Variants in TTN observed in about 807,000 individuals in gnomAD.
TTN encodes titin, also known as connectin.
Under a neutral mutation model 3,223.0 loss-of-function variants are expected in TTN, and 1,525 were observed. That is an observed-to-expected ratio of 0.47 (90% CI 0.45 to 0.49). TTN has a LOEUF of 0.49. Among genes scored for constraint, TTN ranks in the 20% least tolerant of loss-of-function variants. The pLI is 0.00. For synonymous variants in TTN, 14,094 were observed against 15,161.0 expected (o/e 0.93, Z 5.17); for missense variants, 40,786 against 43,424.0 (o/e 0.94, Z 5.40).
At position 178,573,254 on chromosome 2, in the gene TTN, T is replaced by C; in HGVS notation, c.72878A>G (p.Tyr24293Cys). Residue 24293 changes from tyrosine to cysteine, a missense_variant, in exon 326 of 363, where the codon TAT becomes TGT. Tyr to Cys is a radical substitution (Grantham distance 194). Coordinates refer to ENST00000589042, the MANE Select transcript of TTN (RefSeq NM_001267550.2). ...KVSGLTEGHE[Y>C]EFRIMAENAA... Reference sequence around the variant, plus strand: ...ATTTTCAGCCATAATCCTGAACTCATATTCATGTCCTTCTGTCAGTCCAGA... The same window carrying C: ...ATTTTCAGCCATAATCCTGAACTCACATTCATGTCCTTCTGTCAGTCCAGA... The C allele has an allele frequency of 2.5e-6, 4 of 1,606,350 alleles. No individual in the cohort carries two copies. The highest frequency in any genetic ancestry group is 3.4e-6 in the Non-Finnish European group (4 of 1,175,524).
At chr2:178,804,425 A>G (rs780758945) in intron 2 of TTN, 127 bp downstream of exon 2, 15 of 838,574 alleles carry the variant, frequency 1.8e-5, no homozygotes, top group Non-Finnish European at 2.8e-5. Context: ...TGACCTTTCC[A>G]TAGTGTTGGA....
chr2:178,799,901 T>A lies in TTN; in HGVS notation c.593A>T (p.Glu198Val), dbSNP rs2093973179. 3.7e-6 allele frequency: 6 copies of A among 1,613,854 alleles called. No homozygotes were observed. Among genetic ancestry groups the A allele is most frequent in the Non-Finnish European group, 5.1e-6 (6 of 1,179,928 alleles). ...TAELLVQGEE[E>V]VPAKKTKTIV... is the part of the protein sequence containing the mutation. ...TGTCTTTGTCTTTTTAGCAGGTACT[T>A]CTTCTTCACCTGTGGGAAGGGAAAG... The change falls in exon 5 of 363, where the codon GAA (glutamate) becomes GTA (valine). Residue 198 changes from glutamate to valine, a missense_variant. Glu to Val is a moderately radical substitution (Grantham distance 121, BLOSUM62 -2). Coordinates refer to ENST00000589042, the MANE Select transcript of TTN (RefSeq NM_001267550.2).
chr2:178,559,918 A>G lies in TTN; in HGVS notation c.86214T>C (p.Asp28738=). ...VNKVGASDPS[D]SSDPQIAKER... The stretch of plus-strand genomic sequence containing the variant: ...CCTTTGCTATCTGAGGGTCAGAGCT[A>G]TCACTGGGGTCACTAGCACCAACCT... The change falls in exon 326 of 363, where the codon GAT becomes GAC. Residue 28738 remains aspartate (D), a synonymous_variant. Coordinates refer to ENST00000589042, the MANE Select transcript of TTN (RefSeq NM_001267550.2). 6.2e-7 allele frequency: 1 copy of G among 1,613,738 alleles called. No homozygotes were observed. The highest frequency in any genetic ancestry group is 2.2e-5 in the East Asian group (1 of 44,838).
intron 111 of TTN, among the ~76,000 whole-genome samples, chr2:178,699,668 C>A (rs1019612411): frequency 2.7e-5 from 4 of 146,942 alleles, no homozygotes; most frequent in African/African-American, 1.0e-4. Flanking sequence ...GCCTCGGCCT[C>A]CCAAAGTGCT....
At chr2:178,673,052 T>G (rs1229534250) in intron 152 of TTN, among the ~76,000 whole-genome samples, 1 of 151,804 alleles carries the variant, frequency 6.6e-6, no homozygotes, top group African/African-American at 2.4e-5. Context: ...CTGGCCTCAC[T>G]TTCTGCTGTG....
chr2:178,679,198 C>A, intron 142 of TTN, 141 bp downstream of exon 142: 2 of 811,718 alleles, frequency 2.5e-6, no homozygotes, highest in Non-Finnish European at 4.0e-6. Context: ...GGGTAAACTG[C>A]TCCTGTGGCC....
At position 178,595,699 on chromosome 2, in the gene TTN, A is replaced by G. The variant is rs1220456349; in HGVS notation, c.57655T>C (p.Tyr19219His). 8 of 1,608,944 alleles carry G rather than the reference A, an allele frequency of 5.0e-6. No homozygotes were observed. The highest frequency in any genetic ancestry group is 6.8e-6 in the Non-Finnish European group (8 of 1,177,778). ...EDDGGSPITN[Y>H]VIEKRESDRR... ...TCAGATTCACGCTTTTCAATGACATAATTGGTGATTGGAGAGCCTCCATCA... is the reference window on the plus strand; with the variant it reads ...TCAGATTCACGCTTTTCAATGACATGATTGGTGATTGGAGAGCCTCCATCA... The change falls in exon 295 of 363, where the codon TAT becomes CAT. Residue 19219 changes from tyrosine to histidine, a missense_variant. By Grantham distance (83) the Tyr-to-His change is moderately conservative. Coordinates refer to ENST00000589042, the MANE Select transcript of TTN (RefSeq NM_001267550.2).
chr2:178,587,010 C>T (rs1361401310), intron 307 of TTN, 108 bp downstream of exon 307: 1 of 1,460,824 alleles, frequency 6.8e-7, no homozygotes, highest in Non-Finnish European at 9.4e-7. Context: ...CTATTTCGGT[C>T]TCTACAAATG....
Position 178,632,190 on chromosome 2 carries a change from T to C in TTN, c.43704A>G (p.Val14568=), listed in dbSNP as rs368783829. The change falls in exon 236 of 363, where the codon GTA becomes GTG. Residue 14568 remains valine, a synonymous_variant. Coordinates refer to ENST00000589042, the MANE Select transcript of TTN (RefSeq NM_001267550.2). ...CTTCTGAACTCATCCCCATAGCTTC[T>C]ACTCTAATTTGGGAGGTGTCATCAA... ...LSIDDTSQIR[V]EAMGMSSEAK... 59 of 1,608,834 alleles carry C rather than the reference T, an allele frequency of 3.7e-5. No homozygotes were observed. The highest frequency in any genetic ancestry group is 4.5e-5 in the Non-Finnish European group (53 of 1,177,436).
intron 218 of TTN, 96 bp from the exon 219 acceptor site, chr2:178,642,413 G>T: frequency 9.7e-7 from 1 of 1,032,132 alleles, no homozygotes; most frequent in East Asian, 2.7e-5. Context: ...TAACTGTAGT[G>T]CATTAAGTAA....
Position 178,565,898 on chromosome 2 carries a change from TCCAC to T in TTN, c.80230_80233del (p.Val26744LysfsTer31). 6.2e-7 allele frequency: 1 copy of T among 1,613,706 alleles called. No individual in the cohort carries two copies. Among genetic ancestry groups the T allele is most frequent in the Non-Finnish European group, 8.5e-7 (1 of 1,179,678 alleles). On this transcript the variant is annotated frameshift_variant, in exon 326 of 363. Transcript: ENST00000589042. LOFTEE classifies it high-confidence loss of function. Reference sequence around the variant, plus strand: ...ATAAATGGCTCCTTCTGTAAGGTTTTCCACTTTAAAACTTGTTTTGCTGCATTTA... The same window carrying T: ...ATAAATGGCTCCTTCTGTAAGGTTTTTTTAAAACTTGTTTTGCTGCATTTA...
In TTN at chr2:178,586,524, A is replaced by G; in HGVS notation, c.64377T>C (p.Tyr21459=). 3 of 1,613,144 alleles carry G rather than the reference A, an allele frequency of 1.9e-6. No homozygotes were observed. The highest frequency in any genetic ancestry group is 2.5e-6 in the Non-Finnish European group (3 of 1,179,338). ...ACTTACACAGTTGTTCTTTGGCTTC[A>G]TACACTCCTTCAGCTTCTCTTGGCA... ...VSLPREAEGV[Y]EAKEQLLPPK... is the part of the protein sequence containing the mutation. Residue 21459 remains tyrosine (Y), a synonymous_variant, in exon 308 of 363, where the codon TAT becomes TAC. Transcript: ENST00000589042.
rs759414143 is a variant in TTN at position 178,565,687 on chromosome 2, G to A, written c.80445C>T (p.Tyr26815=). ...TTCCTTTGGGCTGCATTTCAACAAC[G>A]TACCCCAGGACTCTGCTACCGCCAT... ...EHDGGSRVLG[Y]VVEMQPKGTE... is the part of the protein sequence containing the mutation. The change falls in exon 326 of 363, where the codon TAC becomes TAT. Residue 26815 remains tyrosine (Y), a synonymous_variant. Coordinates refer to ENST00000589042, the MANE Select transcript of TTN (RefSeq NM_001267550.2). The A allele has an allele frequency of 1.9e-5, 30 of 1,613,426 alleles. 1 individual carries two copies. In the South Asian group the frequency reaches 2.4e-4, roughly 13 times the overall value.
chr2:178,640,165 CA>C lies in TTN; in HGVS notation c.40724-56del, dbSNP rs1226466842. ...ATTACAGGATTTTTGAAGTTTTTCA[CA>C]AAGTCAAAACTAAAATTAAGCCCAC... On this transcript the variant is annotated intron_variant, in intron 221 of 362. Transcript: ENST00000589042. 3.9e-6 allele frequency: 6 copies of C among 1,555,662 alleles called. 1 individual carries two copies. The Admixed American group carries it at 7.3e-5, about 19-fold the overall frequency.
chr2:178,777,971 G>C lies in TTN; in HGVS notation c.4213C>G (p.Leu1405Val), dbSNP rs375231916. 9 of 1,613,376 alleles carry C rather than the reference G, an allele frequency of 5.6e-6. No individual in the cohort carries two copies. In the African/African-American group the frequency reaches 1.1e-4, roughly 19 times the overall value. Residue 1405 changes from leucine to valine, a missense_variant, in exon 25 of 363, where the codon CTC becomes GTC. Physicochemically the swap from Leu to Val is conservative, Grantham distance 32. Coordinates refer to ENST00000589042, the MANE Select transcript of TTN (RefSeq NM_001267550.2). ...GACCTGCTCACTGAACGTGGAGAGA[G>C]AGATCTGCAAAACAAAGACACACAA... ...TLEPVSRIRS[L>V]SPRSVSRSPI...
chr2:178,675,177 G>A (rs771940842), intron 149 of TTN, 64 bp from the exon 150 acceptor site: 60 of 1,025,412 alleles, frequency 5.9e-5, no homozygotes, highest in African/African-American at 8.5e-5. Flanking sequence ...TAAAGACCAC[G>A]TTTCCAGTTT....
At chr2:178,627,853 T>G (rs897622823) in intron 240 of TTN, among the ~76,000 whole-genome samples, 6 of 152,166 alleles carry the variant, frequency 3.9e-5, no homozygotes, top group Admixed American at 1.3e-4. Flanking sequence ...AAATCATGAA[T>G]TTGCAGATCT....
rs55857909 is a variant in TTN, at chr2:178,568,927, C to T, written c.77205G>A (p.Val25735=). The change falls in exon 326 of 363, where the codon GTG becomes GTA. Residue 25735 remains valine (V), a synonymous_variant. Coordinates refer to ENST00000589042, the MANE Select transcript of TTN (RefSeq NM_001267550.2). ...TCTCACTGTGTTTAGCTTGCATTTC[C>T]ACAATATACTGAATGATTTTACTGC... ...DGGSKIIQYI[V]EMQAKHSEKW... is the part of the protein sequence containing the mutation. The T allele has an allele frequency of 5.6e-4, 899 of 1,613,358 alleles. 2 individuals are homozygous for T. The highest frequency in any genetic ancestry group is 2.6e-3 in the Middle Eastern group (16 of 6,056).
rs1161874144 is a variant in TTN, at chr2:178,539,269, A to G, written c.98684-18T>C. On this transcript the variant is annotated intron_variant, in intron 352 of 362. Coordinates refer to ENST00000589042, the MANE Select transcript of TTN (RefSeq NM_001267550.2). ...TGGAGGATCTGTAAATATAAGTGGAAAGCACACATGTATTAGAATACAGTC... is the reference window on the plus strand; with the variant it reads ...TGGAGGATCTGTAAATATAAGTGGAGAGCACACATGTATTAGAATACAGTC... 8.1e-6 allele frequency: 13 copies of G among 1,610,604 alleles called. No individual in the cohort carries two copies. Among genetic ancestry groups the G allele is most frequent in the Non-Finnish European group, 1.0e-5 (12 of 1,177,534 alleles).
Sources: allele counts gnomAD v4.1 joint callset (sites outside exome capture counted in the v4.1 genomes callset), GRCh38; gene constraint gnomAD v4.1.1; transcripts MANE v1.5; gene names NCBI Gene and HGNC (gene_info 2026-07-23, HGNC 2026-07-21).